FANK1: variants seen among roughly 807,000 people sequenced by gnomAD.
FANK1 encodes the protein fibronectin type III and ankyrin repeat domains 1.
Under a neutral mutation model 45.3 loss-of-function variants are expected in FANK1, and 44 were observed. The observed-to-expected ratio is 0.97, with a 90% CI of 0.76 to 1.25. The LOEUF (loss-of-function observed/expected upper bound fraction) is 1.25. Ranked by LOEUF, FANK1 falls within the 50% of genes most tolerant of loss-of-function variation. The pLI, the probability that FANK1 is intolerant of heterozygous loss-of-function variation, is 0.00. For synonymous variants in FANK1, 149 were observed against 152.5 expected, an observed-to-expected ratio of 0.98 and a Z score of 0.17; for missense variants, 391 against 424.4, an observed-to-expected ratio of 0.92 and a Z score of 0.69.
At chr10:125,969,618 C>CTT (rs202121488) in intron 1 of FANK1, among the ~76,000 whole-genome samples, 2 of 150,782 alleles carry the variant, frequency 1.3e-5, no homozygotes, top group African/African-American at 4.9e-5. Context: ...TTGAATTTTT[C>CTT]TTTTTTTTTA....
chr10:126,009,293 G>A (rs767610823), intron 10 of FANK1, 27 bp downstream of exon 10: 5 of 1,614,132 alleles, frequency 3.1e-6, no homozygotes, highest in Middle Eastern at 1.6e-4. Context: ...TGCCTATCAA[G>A]GCTAATTTTT....
intron 4 of FANK1, among the ~76,000 whole-genome samples, chr10:125,995,901 G>A (rs553693503): frequency 6.6e-6 from 1 of 152,262 alleles, no homozygotes; most frequent in Non-Finnish European, 1.5e-5. Context: ...AACACTAGAG[G>A]GGAAATGGTG....
intron 1 of FANK1, among the ~76,000 whole-genome samples, chr10:125,977,433 T>C (rs1202014391): frequency 6.6e-6 from 1 of 152,152 alleles, no homozygotes; most frequent in African/African-American, 2.4e-5. Flanking sequence ...GTTGCTAGAC[T>C]CTTGTTTGGT....
chr10:125,960,940 C>A (rs1175748357), intron 1 of FANK1, among the ~76,000 whole-genome samples: 2 of 152,088 alleles, frequency 1.3e-5, no homozygotes, highest in East Asian at 3.9e-4. Context: ...CAAAGCAATC[C>A]TGAGCAAAAA....
At chr10:125,945,365 A>G (rs1948712271) in intron 1 of FANK1, among the ~76,000 whole-genome samples, 1 of 152,200 alleles carries the variant, frequency 6.6e-6, no homozygotes, top group South Asian at 2.1e-4. Context: ...AGGGAGTGCC[A>G]GACAGTGGGC....
At chr10:125,912,031 C>G (rs1366336761) in intron 1 of FANK1, among the ~76,000 whole-genome samples, 3 of 152,172 alleles carry the variant, frequency 2.0e-5, no homozygotes, top group Non-Finnish European at 4.4e-5. Context: ...ACTAAAATAT[C>G]CTAATCACAA....
intron 1 of FANK1, among the ~76,000 whole-genome samples, chr10:125,954,669 C>T (rs182224243): frequency 3.9e-5 from 6 of 152,102 alleles, no homozygotes; most frequent in East Asian, 1.9e-4. Context: ...CCTGTAATCC[C>T]GGCACTTTGG....
intron 1 of FANK1, among the ~76,000 whole-genome samples, chr10:125,952,847 ACACACACACACACT>A (rs901585419): frequency 8.0e-6 from 1 of 124,906 alleles, no homozygotes; most frequent in African/African-American, 3.3e-5. Flanking sequence ...ACACACACAC[ACACACACACACACT>A]GTTCTTACGT....
chr10:126,005,088 A>G, intron 7 of FANK1, 39 bp downstream of exon 7: 1 of 1,578,574 alleles, frequency 6.3e-7, no homozygotes, highest in South Asian at 1.1e-5. Flanking sequence ...CATATCGTTA[A>G]GAATCTGAAA....
Position 125,988,616 on chromosome 10 carries a change from A to C in FANK1, c.257A>C (p.Lys86Thr). ...EPRTLYRFRL[K>T]VTSPSGECEY... ...AGGACGCTGTACAGATTTCGCCTGA[A>C]GGTCACCAGCCCCTCTGGGGAGTGT... Residue 86 changes from lysine to threonine, a missense_variant, in exon 3 of 11, where the codon AAG becomes ACG. Transcript: ENST00000368693. The C allele has an allele frequency of 6.2e-7, 1 of 1,614,192 alleles. No homozygotes were observed. Among genetic ancestry groups the C allele is most frequent in the East Asian group, 2.2e-5 (1 of 44,874 alleles).
chr10:125,950,465 C>G (rs1373171684), intron 1 of FANK1, among the ~76,000 whole-genome samples: 1 of 151,662 alleles, frequency 6.6e-6, no homozygotes, highest in African/African-American at 2.4e-5. Context: ...AGGACATGAA[C>G]AGACACTTCT....
intron 1 of FANK1, among the ~76,000 whole-genome samples, chr10:125,970,991 T>C (rs756931394): frequency 3.3e-5 from 5 of 152,212 alleles, no homozygotes; most frequent in South Asian, 2.1e-4. Context: ...GTCACAGATA[T>C]ACTTACCTCT....
chr10:125,928,489 A>G (rs1454933253), intron 1 of FANK1, among the ~76,000 whole-genome samples: 1 of 152,110 alleles, frequency 6.6e-6, no homozygotes, highest in Non-Finnish European at 1.5e-5. Flanking sequence ...ATTTCATCCT[A>G]TAACTAAGAA....
chr10:126,008,637 A>C, intron 8 of FANK1, 87 bp downstream of exon 8: 2 of 1,466,944 alleles, frequency 1.4e-6, no homozygotes. Flanking sequence ...TTGTGAGTTC[A>C]GCCCTGCACC....
At chr10:125,900,157 G>T (rs1589751450) in intron 1 of FANK1, among the ~76,000 whole-genome samples, 3 of 152,324 alleles carry the variant, frequency 2.0e-5, no homozygotes, top group South Asian at 2.1e-4. Context: ...AATGATCCAA[G>T]AAATGACTTC....
chr10:125,919,943 A>G (rs1946826397), intron 1 of FANK1, among the ~76,000 whole-genome samples: 1 of 152,230 alleles, frequency 6.6e-6, no homozygotes, highest in African/African-American at 2.4e-5. Context: ...TTTAAACAAA[A>G]CGACTGTGAC....
At chr10:125,945,399 G>A (rs141793354) in intron 1 of FANK1, among the ~76,000 whole-genome samples, 2,109 of 152,304 alleles carry the variant, frequency 0.014, 44 homozygotes, top group African/African-American at 0.048. Context: ...TGCGCGCACC[G>A]TGCGCAAGCC....
At chr10:125,899,889 C>T (rs1479600396) in intron 1 of FANK1, among the ~76,000 whole-genome samples, 1 of 152,252 alleles carries the variant, frequency 6.6e-6, no homozygotes, top group Non-Finnish European at 1.5e-5. Context: ...GAGGAAGACT[C>T]CTTCATAATT....
At chr10:125,923,478 T>TTCA (rs1350972769) in intron 1 of FANK1, among the ~76,000 whole-genome samples, 1 of 151,712 alleles carries the variant, frequency 6.6e-6, no homozygotes, top group African/African-American at 2.4e-5. Flanking sequence ...AAAAATTTTT[T>TTCA]TCATCTATGC....
Sources: allele counts gnomAD v4.1 joint callset (sites outside exome capture counted in the v4.1 genomes callset), GRCh38; gene constraint gnomAD v4.1.1; transcripts MANE v1.5; gene names NCBI Gene and HGNC (gene_info 2026-07-23, HGNC 2026-07-21).